Variants in EVPL observed in about 807,000 individuals in gnomAD.
EVPL encodes 210 kDa cornified envelope precursor protein.
A neutral mutation model predicts 129.7 loss-of-function variants in EVPL; 94 were observed. The ratio of observed to expected loss-of-function variants is 0.72; its 90% confidence interval spans 0.61 to 0.86. The LOEUF (loss-of-function observed/expected upper bound fraction) is 0.86, where lower values mean the gene tolerates loss of function less well. EVPL is among the 40% of genes least tolerant of loss of function. The probability of loss-of-function intolerance (pLI) is 0.00; values close to 1 mark genes in which losing one functional copy is unlikely to be tolerated. For missense variants in EVPL, 2,625 were observed against 2,721.1 expected, an observed-to-expected ratio of 0.96 and a Z score of 0.79; for synonymous variants, 1,172 against 1,191.1, an observed-to-expected ratio of 0.98 and a Z score of 0.33.
Position 76,008,708 on chromosome 17 carries a change from G to A in EVPL, c.4497C>T (p.Cys1499=). 6.2e-7 allele frequency: 1 copy of A among 1,613,604 alleles called. No individual in the cohort carries two copies. Among genetic ancestry groups the A allele is most frequent in the Non-Finnish European group, 8.5e-7 (1 of 1,180,026 alleles). Residue 1499 remains cysteine (C), a synonymous_variant, in exon 22 of 22, where the codon TGC becomes TGT. Transcript: ENST00000301607. The surrounding 1 kb of genome is among the most constrained non-coding windows in gnomAD (Gnocchi z 7.4). ...KTQVTELNRE[C]KNLQVQIDVL... is the part of the protein sequence containing the mutation. Reference sequence around the variant, plus strand: ...CGTCAATCTGGACCTGCAGGTTCTTGCACTCCCGATTCAGCTCGGTTACCT... The same window carrying A: ...CGTCAATCTGGACCTGCAGGTTCTTACACTCCCGATTCAGCTCGGTTACCT...
chr17:76,014,271 C>T (rs114110090), intron 18 of EVPL, among the ~76,000 whole-genome samples, 155 bp downstream of exon 18: 1 of 152,320 alleles, frequency 6.6e-6, no homozygotes, highest in African/African-American at 2.4e-5. Context: ...ATGGGCTGGC[C>T]CCGTCTGTGG....
In EVPL at chr17:76,007,614, G is replaced by T; in HGVS notation, c.5591C>A (p.Ala1864Asp). The T allele has an allele frequency of 6.2e-7, 1 of 1,613,870 alleles. No individual in the cohort carries two copies. The part of the protein sequence containing the change: ...TGQKLLEAQA[A>D]TGGIVDLLSR... ...GAGCAGGTCCACGATGCCCCCTGTG[G>T]CCGCCTGGGCCTCCAGTAGCTTCTG... Residue 1864 changes from alanine (A) to aspartate (D), a missense_variant, in exon 22 of 22, where the codon GCC becomes GAC. Ala to Asp is a moderately radical substitution (Grantham distance 126). Transcript: ENST00000301607. This position sits in a 1 kb window ranked among gnomAD's most constrained non-coding sequence, Gnocchi z 8.8.
At position 76,013,983 on chromosome 17, in the gene EVPL, C is replaced by T. The variant is rs2066397850; in HGVS notation, c.2373+443G>A. Reference sequence around the variant, plus strand: ...TCTGCATGGGACATTTCATCCCTCCCCCGGCTACACTTGCTTCCTCCCACA... The same window carrying T: ...TCTGCATGGGACATTTCATCCCTCCTCCGGCTACACTTGCTTCCTCCCACA... On this transcript the variant is annotated intron_variant, in intron 18 of 21. Coordinates refer to ENST00000301607, the MANE Select transcript of EVPL (RefSeq NM_001988.4). The surrounding 1 kb of genome is among the most constrained non-coding windows in gnomAD (Gnocchi z 4.3). Among the ~76,000 whole-genome samples the T allele has an allele frequency of 6.6e-6, 1 of 152,160 alleles. No individual in the cohort carries two copies. Among genetic ancestry groups the T allele is most frequent in the African/African-American group, 2.4e-5 (1 of 41,426 alleles).
intron 9 of EVPL, among the ~76,000 whole-genome samples, chr17:76,020,232 G>A (rs2066448390): frequency 6.6e-6 from 1 of 152,200 alleles, no homozygotes; most frequent in African/African-American, 2.4e-5. Flanking sequence ...CCCTACTCTG[G>A]TCGGTCTTTC....
Position 76,015,517 on chromosome 17 carries a change from C to CGGGCAGCTGCA in EVPL, c.1811_1821dup (p.Val608CysfsTer5). The CGGGCAGCTGCA allele has an allele frequency of 1.2e-6, 2 of 1,612,818 alleles. No homozygotes were observed. Among genetic ancestry groups the CGGGCAGCTGCA allele is most frequent in the Non-Finnish European group, 1.7e-6 (2 of 1,180,000 alleles). On this transcript the variant is annotated frameshift_variant, in exon 15 of 22. Transcript: ENST00000301607. LOFTEE classifies it high-confidence loss of function. ...TTGTTCTTCACGCTGTTGAGGGCTA[C>CGGGCAGCTGCA]GGGCAGCTGCAGGGCAGCGGGGCCC...
Position 76,015,544 on chromosome 17 carries a change from C to A in EVPL, c.1795G>T (p.Val599Leu), listed in dbSNP as rs777161070. ...GGCAGCTGCAGGGCAGCGGGGCCCA[C>A]GGGCCGCGTGGACAGAAACGCCTCG... ...ECEAFLSTRPVGPAALQLPVA... is the reference protein window; with the variant it reads ...ECEAFLSTRPLGPAALQLPVA... Residue 599 changes from valine (V) to leucine (L), a missense_variant, in exon 15 of 22, where the codon GTG (valine) becomes TTG (leucine). Val to Leu is a conservative substitution (Grantham distance 32). Around this residue, in one of 4 missense-constraint regions of EVPL, gnomAD observed 1,024 missense variants for 997.5 expected, o/e 1.03. Coordinates refer to ENST00000301607, the MANE Select transcript of EVPL (RefSeq NM_001988.4). The A allele has an allele frequency of 4.3e-6, 7 of 1,612,802 alleles. No individual in the cohort carries two copies. In the African/African-American group the frequency reaches 8.0e-5, roughly 18 times the overall value.
chr17:76,011,816 T>A lies in EVPL; in HGVS notation c.2524A>T (p.Lys842Ter), dbSNP rs1479297988. The change falls in exon 20 of 22, where the codon AAG becomes TAG. Residue 842 changes from lysine (K) to a stop codon, truncating the protein, a stop_gained. Coordinates refer to ENST00000301607, the MANE Select transcript of EVPL (RefSeq NM_001988.4). LOFTEE classifies it high-confidence loss of function. ...LEPTLAVSAPKRPRVAPLQES... is the reference protein window; with the variant it reads ...LEPTLAVSAP ...TGCAGGGGAGCCACTCGGGGTCTCTTGGGGGCTGACACTGCCAGGGTGGGC... is the reference window on the plus strand; with the variant it reads ...TGCAGGGGAGCCACTCGGGGTCTCTAGGGGGCTGACACTGCCAGGGTGGGC... The A allele has an allele frequency of 1.2e-6, 2 of 1,612,884 alleles. No individual in the cohort carries two copies. Among genetic ancestry groups the A allele is most frequent in the Non-Finnish European group, 1.7e-6 (2 of 1,179,574 alleles).
At position 76,008,622 on chromosome 17, in the gene EVPL, T is replaced by G; in HGVS notation, c.4583A>C (p.Lys1528Thr). 6.2e-7 allele frequency: 1 copy of G among 1,612,304 alleles called. No homozygotes were observed. The highest frequency in any genetic ancestry group is 2.2e-5 in the East Asian group (1 of 44,868). ...CCGCTCATCTTCCAGGACGCGGTCC[T>G]TCTGCACCCGGATCACTTCCTTGTA... ...TIYKEVIRVQ[K>T]DRVLEDERAR... is the part of the protein sequence containing the mutation. Residue 1528 changes from lysine to threonine, a missense_variant, in exon 22 of 22, where the codon AAG becomes ACG. Physicochemically the swap from Lys to Thr is moderately conservative, Grantham distance 78. Around this residue, in one of 4 missense-constraint regions of EVPL, gnomAD observed 1,453 missense variants for 1,511.8 expected, o/e 0.96. Coordinates refer to ENST00000301607, the MANE Select transcript of EVPL (RefSeq NM_001988.4). This position sits in a 1 kb window ranked among gnomAD's most constrained non-coding sequence, Gnocchi z 7.4.
At position 76,018,150 on chromosome 17, in the gene EVPL, ACC is replaced by A; in HGVS notation, c.1537+9_1537+10del. On this transcript the variant is annotated intron_variant, in intron 13 of 21. Transcript: ENST00000301607. The stretch of plus-strand genomic sequence containing the variant: ...CCCCACAGCCACCTCTCCCCGGGCC[ACC>A]CTGGGTACCCTGCTGGCTGGGCCGA... 1 of 1,550,738 alleles carries A rather than the reference ACC, an allele frequency of 6.4e-7. No individual in the cohort carries two copies. Among genetic ancestry groups the A allele is most frequent in the Non-Finnish European group, 8.7e-7 (1 of 1,146,738 alleles).
chr17:76,024,159 A>G lies in EVPL; in HGVS notation c.99-39T>C, dbSNP rs1354124751. The G allele has an allele frequency of 1.3e-6, 2 of 1,590,694 alleles. No homozygotes were observed. The highest frequency in any genetic ancestry group is 1.7e-6 in the Non-Finnish European group (2 of 1,164,816). ...GGGACAGCGGGTAGCTCGGTGGAAG[A>G]GGCCCCTCTGTGCCCCATCCAGGTG... On this transcript the variant is annotated intron_variant, in intron 1 of 21. Transcript: ENST00000301607. This position sits in a 1 kb window ranked among gnomAD's most constrained non-coding sequence, Gnocchi z 4.5.
rs752617467 is a variant in EVPL at position 76,022,476 on chromosome 17, C to T, written c.543G>A (p.Glu181=). The part of the protein sequence containing the change: ...GMAELEQQIA[E]HNILQKEIDA... ...CGATCTCCTTCTGCAGGATGTTGTG[C>T]TCGGCGATCTGTTGCTCCAGCTCCG... Residue 181 remains glutamate, a synonymous_variant, in exon 5 of 22, where the codon GAG becomes GAA. Coordinates refer to ENST00000301607, the MANE Select transcript of EVPL (RefSeq NM_001988.4). This position sits in a 1 kb window ranked among gnomAD's most constrained non-coding sequence, Gnocchi z 5.6. 4 of 1,613,350 alleles carry T rather than the reference C, an allele frequency of 2.5e-6. No homozygotes were observed. The Admixed American group carries it at 6.7e-5, about 27-fold the overall frequency.
chr17:76,014,928 TG>T lies in EVPL; in HGVS notation c.2209del (p.Gln737SerfsTer26). The part of the protein sequence containing the change: ...LTDRYHAVGD[Q>X]LDLREKVVQD... ...CCCAGTCGCTCACCGCAGGTCCAGCTGGTCCCCTACGGCGTGGTAGCGGTCG... is the reference window on the plus strand; with the variant it reads ...CCCAGTCGCTCACCGCAGGTCCAGCTGTCCCCTACGGCGTGGTAGCGGTCG... On this transcript the variant is annotated frameshift_variant, in exon 17 of 22. Coordinates refer to ENST00000301607, the MANE Select transcript of EVPL (RefSeq NM_001988.4). LOFTEE classifies it high-confidence loss of function. 6.3e-7 allele frequency: 1 copy of T among 1,585,246 alleles called. No homozygotes were observed.
chr17:76,025,219 A>T (rs2066490398), intron 1 of EVPL, among the ~76,000 whole-genome samples: 1 of 152,186 alleles, frequency 6.6e-6, no homozygotes, highest in Non-Finnish European at 1.5e-5. Flanking sequence ...AATTGAATTT[A>T]TCCATCTGAA....
At position 76,009,000 on chromosome 17, in the gene EVPL, C is replaced by T. The variant is rs768331385; in HGVS notation, c.4205G>A (p.Arg1402Gln). The change falls in exon 22 of 22, where the codon CGG (arginine) becomes CAG (glutamine). Residue 1402 changes from arginine (R) to glutamine (Q), a missense_variant. Physicochemically the swap from Arg to Gln is conservative, Grantham distance 43 (BLOSUM62 1). Transcript: ENST00000301607. The surrounding 1 kb of genome is among the most constrained non-coding windows in gnomAD (Gnocchi z 7.4). The stretch of plus-strand genomic sequence containing the variant: ...CTGCACCTCAAGCTCTAGCTGGCGC[C>T]GCCGGCCCACCTCCTCATCCAGGCT... ...SGSLDEEVGR[R>Q]RQLELEVQQL... The T allele has an allele frequency of 3.1e-6, 5 of 1,612,110 alleles. No individual in the cohort carries two copies. Among genetic ancestry groups the T allele is most frequent in the Admixed American group, 3.3e-5 (2 of 59,970 alleles).
chr17:76,023,231 G>A (rs1263309254), intron 4 of EVPL, 61 bp downstream of exon 4: 3 of 1,601,978 alleles, frequency 1.9e-6, no homozygotes, highest in Non-Finnish European at 2.6e-6. Flanking sequence ...TCAGGCCCTG[G>A]ATTAAATGCA....
Position 76,007,734 on chromosome 17 carries a change from C to A in EVPL, c.5471G>T (p.Ser1824Ile). 6.2e-7 allele frequency: 1 copy of A among 1,613,060 alleles called. No individual in the cohort carries two copies. The highest frequency in any genetic ancestry group is 1.7e-4 in the Middle Eastern group (1 of 6,054). Residue 1824 changes from serine (S) to isoleucine (I), a missense_variant, in exon 22 of 22, where the codon AGC (serine) becomes ATC (isoleucine). Around this residue, in one of 4 missense-constraint regions of EVPL, gnomAD observed 1,453 missense variants for 1,511.8 expected, o/e 0.96. Transcript: ENST00000301607. The surrounding 1 kb of genome is among the most constrained non-coding windows in gnomAD (Gnocchi z 8.8). ...PSFSLGLGDD[S>I]FPIAGIYDTT... ...GTCATAGATCCCGGCGATAGGGAAGCTGTCATCACCGAGCCCGAGAGAGAA... is the reference window on the plus strand; with the variant it reads ...GTCATAGATCCCGGCGATAGGGAAGATGTCATCACCGAGCCCGAGAGAGAA...
rs753602554 is a variant in EVPL at position 76,015,377 on chromosome 17, G to A, written c.1890-12C>T. The A allele has an allele frequency of 6.2e-7, 1 of 1,603,140 alleles. No individual in the cohort carries two copies. Among genetic ancestry groups the A allele is most frequent in the South Asian group, 1.1e-5 (1 of 90,404 alleles). The stretch of plus-strand genomic sequence containing the variant: ...GGGCAGCCTTGGCTCTGCCGCAGAG[G>A]AGGCAAGGCTCAGACACTCCCTGGG... On this transcript the variant is annotated splice_polypyrimidine_tract_variant and intron_variant, in intron 15 of 21. Coordinates refer to ENST00000301607, the MANE Select transcript of EVPL (RefSeq NM_001988.4).
chr17:76,010,445 C>A lies in EVPL; in HGVS notation c.2760G>T (p.Gln920His). 1.2e-6 allele frequency: 2 copies of A among 1,614,076 alleles called. No homozygotes were observed. The highest frequency in any genetic ancestry group is 1.3e-5 in the African/African-American group (1 of 75,016). Residue 920 changes from glutamine to histidine, a missense_variant, in exon 22 of 22, where the codon CAG (glutamine) becomes CAT (histidine). This residue lies in a region of EVPL where 1,453 missense variants were observed against 1,511.8 expected (regional missense o/e 0.96). Coordinates refer to ENST00000301607, the MANE Select transcript of EVPL (RefSeq NM_001988.4). ...CCACCCGCTTCCTCTCCTCTTCCAG[C>A]TGGGCCTTCAGGGCCTCTGACTCTC... is the stretch of plus-strand genomic sequence containing the variant. ...AGRESEALKA[Q>H]LEEERKRVAR...
Position 76,010,322 on chromosome 17 carries a change from C to G in EVPL, c.2883G>C (p.Glu961Asp), listed in dbSNP as rs148533039. 6,077 of 1,613,942 alleles carry G rather than the reference C, an allele frequency of 3.8e-3. 71 individuals are homozygous for G. The highest frequency in any genetic ancestry group is 0.012 in the Middle Eastern group (74 of 6,062). ...CCTCCAGCTGGGGGTCCCGGTAGAA[C>G]TCTACCACTTCCTTCTCCTCCAGCC... ...LERLEEKEVV[E>D]FYRDPQLEGS... is the part of the protein sequence containing the mutation. Residue 961 changes from glutamate (E) to aspartate (D), a missense_variant, in exon 22 of 22, where the codon GAG (glutamate) becomes GAC (aspartate). Coordinates refer to ENST00000301607, the MANE Select transcript of EVPL (RefSeq NM_001988.4).
Sources: allele counts gnomAD v4.1 joint callset (sites outside exome capture counted in the v4.1 genomes callset), GRCh38; gene constraint gnomAD v4.1.1; regional missense constraint gnomAD v4.1.1; non-coding constraint Gnocchi (gnomAD v3.1); transcripts MANE v1.5; gene names NCBI Gene and HGNC (gene_info 2026-07-23, HGNC 2026-07-21).